The following ATP8B1 variants were observed in gnomAD, a reference collection of about 807,000 sequenced individuals.
The protein encoded by ATP8B1 is phospholipid-transporting ATPase IC.
In ATP8B1, 80 loss-of-function variants were observed where a neutral mutation model predicts 149.9. The ratio of observed to expected loss-of-function variants is 0.53; its 90% CI spans 0.45 to 0.64. The LOEUF (loss-of-function observed/expected upper bound fraction) is 0.64. ATP8B1 is among the 30% of genes least tolerant of loss of function. The pLI is 0.00. For synonymous variants in ATP8B1, 536 were observed against 562.8 expected, an observed-to-expected ratio of 0.95 and a Z score of 0.67; for missense variants, 1,247 against 1,552.6, an observed-to-expected ratio of 0.80 and a Z score of 3.31.
At chr18:57,744,782 G>C (rs555361607) in intron 1 of ATP8B1, among the ~76,000 whole-genome samples, 33 of 152,282 alleles carry the variant, frequency 2.2e-4, no homozygotes, top group Non-Finnish European at 3.7e-4. Context: ...TGTTAGAAGA[G>C]TCACCAAGCT....
At chr18:57,673,383 T>A (rs2122740127) in intron 16 of ATP8B1, among the ~76,000 whole-genome samples, 1 of 152,268 alleles carries the variant, frequency 6.6e-6, no homozygotes, top group African/African-American at 2.4e-5. Flanking sequence ...TGTACTGTGT[T>A]AAATTTTCTG....
rs986299648 is a variant in ATP8B1, at chr18:57,715,897, A to T, written c.182-9310T>A. Among the ~76,000 whole-genome samples the T allele has an allele frequency of 3.3e-5, 5 of 152,226 alleles. No homozygotes were observed. Among genetic ancestry groups the T allele is most frequent in the Admixed American group, 3.3e-4 (5 of 15,282 alleles). ...GAGCAATAAGAAATCACCTGAAGGCACAAAACTCACTGGTAACAGTTAAGT... is the reference window on the plus strand; with the variant it reads ...GAGCAATAAGAAATCACCTGAAGGCTCAAAACTCACTGGTAACAGTTAAGT... On this transcript the variant is annotated intron_variant, in intron 2 of 27. Coordinates refer to ENST00000648908, the MANE Select transcript of ATP8B1 (RefSeq NM_001374385.1).
chr18:57,780,233 T>A (rs1392492769), intron 1 of ATP8B1, among the ~76,000 whole-genome samples: 1 of 152,206 alleles, frequency 6.6e-6, no homozygotes, highest in African/African-American at 2.4e-5. Context: ...CTTGAGTAAA[T>A]CCTTGAAAGG....
intron 17 of ATP8B1, 94 bp downstream of exon 17, chr18:57,671,374 C>T: frequency 9.3e-7 from 1 of 1,080,696 alleles, no homozygotes; most frequent in South Asian, 1.3e-5. Context: ...AAGGGAGGGT[C>T]AGCAGTTAAC....
intron 7 of ATP8B1, 50 bp downstream of exon 7, chr18:57,697,745 A>G: frequency 6.2e-7 from 1 of 1,613,006 alleles, no homozygotes; most frequent in South Asian, 1.1e-5. Flanking sequence ...AGCCGAGCAC[A>G]GGGGCTGGGG....
At chr18:57,704,211 A>G (rs2938365) in intron 4 of ATP8B1, among the ~76,000 whole-genome samples, 135,755 of 152,226 alleles carry the variant, frequency 0.89, 60,714 homozygotes, top group East Asian at 1. Context: ...GAGGTGATCC[A>G]CCCGCCTCGG....
intron 20 of ATP8B1, among the ~76,000 whole-genome samples, chr18:57,665,558 A>AC (rs1910796731): frequency 6.6e-6 from 1 of 151,890 alleles, no homozygotes; most frequent in South Asian, 2.1e-4. Context: ...GTCTGTTGCT[A>AC]CTTTTTTTTT....
chr18:57,660,894 A>C (rs1166594644), intron 22 of ATP8B1, among the ~76,000 whole-genome samples: 1 of 152,140 alleles, frequency 6.6e-6, no homozygotes, highest in Non-Finnish European at 1.5e-5. Context: ...CATCTATATA[A>C]AAGAATAAAA....
chr18:57,732,323 G>A (rs75926041), intron 1 of ATP8B1, among the ~76,000 whole-genome samples: 1 of 17,692 alleles, frequency 5.7e-5, no homozygotes, highest in African/African-American at 2.0e-4. Context: ...GTATATATGT[G>A]TATATATGTG....
At chr18:57,694,330 A>G (rs2122886543) in intron 11 of ATP8B1, among the ~76,000 whole-genome samples, 1 of 152,086 alleles carries the variant, frequency 6.6e-6, no homozygotes, top group African/African-American at 2.4e-5. Flanking sequence ...TCATCAAAGC[A>G]CTCAGGGCAC....
intron 1 of ATP8B1, among the ~76,000 whole-genome samples, chr18:57,759,177 A>G (rs1235289240): frequency 2.1e-5 from 3 of 144,404 alleles, no homozygotes; most frequent in South Asian, 4.4e-4. Context: ...AAAAAAAAAA[A>G]AAAAAGAAAT....
At chr18:57,681,971 G>C (rs1912000784) in intron 15 of ATP8B1, among the ~76,000 whole-genome samples, 1 of 151,704 alleles carries the variant, frequency 6.6e-6, no homozygotes, top group Non-Finnish European at 1.5e-5. Context: ...AGTGGACAAA[G>C]AGCTGCGGTA....
intron 2 of ATP8B1, among the ~76,000 whole-genome samples, chr18:57,714,977 A>G (rs1455557352): frequency 6.6e-6 from 1 of 152,230 alleles, no homozygotes; most frequent in Non-Finnish European, 1.5e-5. Flanking sequence ...AACCTGCAGA[A>G]ACAAAACTAT....
chr18:57,732,269 A>G lies in ATP8B1; in HGVS notation c.-25-437T>C, dbSNP rs188702772. The stretch of plus-strand genomic sequence containing the variant: ...TGTATATATGTATATATGTGTATAT[A>G]TGTATATATGTGTATATATGTATAT... On this transcript the variant is annotated intron_variant, in intron 1 of 27. Coordinates refer to ENST00000648908, the MANE Select transcript of ATP8B1 (RefSeq NM_001374385.1). Among the ~76,000 whole-genome samples the G allele has an allele frequency of 1.2e-3, 22 of 18,308 alleles. 2 individuals carry two copies. The East Asian group carries it at 0.03, about 25-fold the overall frequency. 12.0% of individuals were successfully genotyped at this position (18,308 alleles called of 152,430 possible). A position where few individuals can be genotyped will look rare whatever the true frequency, so the allele number is the denominator to read the frequency against.
intron 15 of ATP8B1, among the ~76,000 whole-genome samples, chr18:57,678,573 C>T (rs186583382): frequency 0.015 from 1,996 of 133,606 alleles, 4 homozygotes; most frequent in South Asian, 0.034. Flanking sequence ...GGCGATAGTT[C>T]GAGATTCTAT....
chr18:57,772,782 A>G (rs1195266374), intron 1 of ATP8B1, among the ~76,000 whole-genome samples: 2 of 152,144 alleles, frequency 1.3e-5, no homozygotes, highest in Non-Finnish European at 2.9e-5. Flanking sequence ...GACGATGAGG[A>G]CATAGAGCAG....
At chr18:57,732,488 A>G (rs2079796166) in intron 1 of ATP8B1, among the ~76,000 whole-genome samples, 1 of 151,762 alleles carries the variant, frequency 6.6e-6, no homozygotes, top group Non-Finnish European at 1.5e-5. Context: ...AGCACATATA[A>G]TAAGTACTGC....
intron 24 of ATP8B1, among the ~76,000 whole-genome samples, chr18:57,653,682 C>CTTTTTTT (rs71171057): frequency 1.2e-3 from 139 of 117,776 alleles, no homozygotes; most frequent in Non-Finnish European, 1.5e-3. Flanking sequence ...CCTCTTTTCT[C>CTTTTTTT]TTTTTTTTTT....
At chr18:57,651,471 C>A (rs1909613633) in intron 26 of ATP8B1, among the ~76,000 whole-genome samples, 1 of 152,122 alleles carries the variant, frequency 6.6e-6, no homozygotes, top group Non-Finnish European at 1.5e-5. Context: ...CTTAAGTTAT[C>A]TAATTCAACA....
Sources: gnomAD v4.1 joint callset for allele counts (sites outside exome capture counted in the v4.1 genomes callset) on GRCh38, gnomAD v4.1.1 for gene constraint, MANE v1.5 for transcripts, NCBI Gene and HGNC (gene_info 2026-07-23, HGNC 2026-07-21) for gene names.